Variants in TG observed in about 807,000 individuals in gnomAD.
TG encodes thyroid hormones.
A neutral mutation model predicts 324.7 loss-of-function variants in TG; 270 were observed. That is an observed-to-expected ratio of 0.83 (90% CI 0.75 to 0.92). The LOEUF (loss-of-function observed/expected upper bound fraction) is 0.92, where lower values mean the gene tolerates loss of function less well. Ranked by LOEUF, TG falls within the 40% of genes least tolerant of loss-of-function variation. The probability of loss-of-function intolerance (pLI) is 0.00; values close to 1 mark genes in which losing one functional copy is unlikely to be tolerated. For missense variants in TG, 3,591 were observed against 3,456.4 expected, an observed-to-expected ratio of 1.04 and a Z score of -0.98; for synonymous variants, 1,401 against 1,327.0, an observed-to-expected ratio of 1.06 and a Z score of -1.21.
chr8:133,087,943 A>C (rs763247396), intron 41 of TG: 4 of 151,900 alleles, frequency 2.6e-5, no homozygotes, highest in Non-Finnish European at 5.9e-5. Flanking sequence ...AACTTCTTAG[A>C]CTCTCTTTCT....
At chr8:132,884,566 T>G (rs1815119172) in intron 8 of TG, among the ~76,000 whole-genome samples, 1 of 152,222 alleles carries the variant, frequency 6.6e-6, no homozygotes, top group African/African-American at 2.4e-5. Flanking sequence ...GTGGTTATAT[T>G]CTATCTGCTA....
At position 133,096,274 on chromosome 8, in the gene TG, T is replaced by C; in HGVS notation, c.7473T>C (p.Pro2491=). 1.2e-6 allele frequency: 2 copies of C among 1,614,222 alleles called. No homozygotes were observed. Among genetic ancestry groups the C allele is most frequent in the Non-Finnish European group, 1.7e-6 (2 of 1,180,044 alleles). The part of the protein sequence containing the change: ...PVIDGHFLRE[P]PARALKRSLW... ...TCGATGGCCACTTCCTCCGTGAGCC[T>C]CCAGCCAGAGCACTGAAGAGGTCTT... The change falls in exon 43 of 48, where the codon CCT becomes CCC. Residue 2491 remains proline (P), a synonymous_variant. Coordinates refer to ENST00000220616, the MANE Select transcript of TG (RefSeq NM_003235.5).
intron 20 of TG, among the ~76,000 whole-genome samples, chr8:132,917,557 A>T (rs76534928): frequency 0.017 from 2,622 of 152,162 alleles, 70 homozygotes; most frequent in African/African-American, 0.056. Flanking sequence ...CGTGACAAGA[A>T]GTGGGGCCAG....
chr8:132,877,788 A>T (rs1187275630), intron 5 of TG, among the ~76,000 whole-genome samples: 2 of 152,220 alleles, frequency 1.3e-5, no homozygotes, highest in Non-Finnish European at 2.9e-5. Flanking sequence ...AAAGGCAAAC[A>T]TCCTTTTCCA....
Position 133,134,791 on chromosome 8 carries a change from G to C in TG, c.8304G>C (p.Lys2768Asn), listed in dbSNP as rs747138432. The change falls in exon 48 of 48, where the codon AAG (lysine) becomes AAC (asparagine). Residue 2768 changes from lysine (K) to asparagine (N), a missense_variant. Transcript: ENST00000220616. ...LQEPGSKTYS[K>N] is the part of the protein sequence containing the mutation. ...AACCAGGCTCTAAGACCTACAGCAA[G>C]TGACCAGCCCTTGAGCTCCCCAAAA... The C allele has an allele frequency of 2.5e-6, 4 of 1,613,936 alleles. No individual in the cohort carries two copies. In the South Asian group the frequency reaches 4.4e-5, roughly 18 times the overall value.
intron 29 of TG, chr8:132,964,943 A>G (rs1368997655): frequency 1.4e-6 from 1 of 702,340 alleles, no homozygotes; most frequent in East Asian, 2.7e-5. Context: ...GGTATACCTG[A>G]GAAAAGGTGT....
At chr8:133,086,727 G>A (rs1013392932) in intron 41 of TG, among the ~76,000 whole-genome samples, 12 of 152,106 alleles carry the variant, frequency 7.9e-5, no homozygotes, top group African/African-American at 2.9e-4. Flanking sequence ...GCACCATACT[G>A]TTACAGGAAA....
At chr8:132,949,475 G>A (rs1825803459) in intron 27 of TG, among the ~76,000 whole-genome samples, 1 of 152,190 alleles carries the variant, frequency 6.6e-6, no homozygotes, top group South Asian at 2.1e-4. Context: ...TAGTTGGGGG[G>A]ACTGCCAAGT....
At chr8:133,084,587 A>G (rs762577535) in intron 41 of TG, among the ~76,000 whole-genome samples, 4 of 152,240 alleles carry the variant, frequency 2.6e-5, no homozygotes, top group Admixed American at 6.5e-5. Context: ...GACAGAGGCA[A>G]TTAGGCTTCA....
Position 133,133,550 on chromosome 8 carries a change from G to A in TG, c.8078G>A (p.Gly2693Asp). ...TPWPDFVPRA[G>D]GENYKEFSEL... The stretch of plus-strand genomic sequence containing the variant: ...TGGCCTGACTTTGTACCCCGTGCTG[G>A]TGGAGAGAACTACAAGGAGTTCAGT... The change falls in exon 47 of 48, where the codon GGT becomes GAT. Residue 2693 changes from glycine (G) to aspartate (D), a missense_variant. Gly to Asp is a moderately conservative substitution (Grantham distance 94). Coordinates refer to ENST00000220616, the MANE Select transcript of TG (RefSeq NM_003235.5). 1.2e-6 allele frequency: 2 copies of A among 1,614,224 alleles called. No individual in the cohort carries two copies.
chr8:132,888,245 C>T lies in TG; in HGVS notation c.2438C>T (p.Ala813Val). The T allele has an allele frequency of 5.0e-6, 8 of 1,614,240 alleles. No homozygotes were observed. Among genetic ancestry groups the T allele is most frequent in the Non-Finnish European group, 6.8e-6 (8 of 1,180,046 alleles). The change falls in exon 10 of 48, where the codon GCT (alanine) becomes GTT (valine). Residue 813 changes from alanine (A) to valine (V), a missense_variant. Coordinates refer to ENST00000220616, the MANE Select transcript of TG (RefSeq NM_003235.5). ...LVKIMSYREAASGNFSLFIQS... is the reference protein window; with the variant it reads ...LVKIMSYREAVSGNFSLFIQS... Reference sequence around the variant, plus strand: ...AAGATCATGAGCTACAGAGAAGCAGCTTCCGGAAACTTCAGTCTCTTTATT... The same window carrying T: ...AAGATCATGAGCTACAGAGAAGCAGTTTCCGGAAACTTCAGTCTCTTTATT...
At chr8:132,946,030 A>G (rs1040733260) in intron 26 of TG, among the ~76,000 whole-genome samples, 2 of 108,668 alleles carry the variant, frequency 1.8e-5, no homozygotes, top group African/African-American at 3.8e-5. Context: ...AGATAGGAAA[A>G]ATATGTTACA....
Position 132,948,942 on chromosome 8 carries a change from G to T in TG, c.5400G>T (p.Lys1800Asn). 1 of 1,613,250 alleles carries T rather than the reference G, an allele frequency of 6.2e-7. No homozygotes were observed. Among genetic ancestry groups the T allele is most frequent in the Non-Finnish European group, 8.5e-7 (1 of 1,179,978 alleles). The change falls in exon 27 of 48, where the codon AAG (lysine) becomes AAT (asparagine). Residue 1800 changes from lysine (K) to asparagine (N), a missense_variant and splice_region_variant. Coordinates refer to ENST00000220616, the MANE Select transcript of TG (RefSeq NM_003235.5). ...ILRLGDQEFIKSLTPLEGTQD... is the reference protein window; with the variant it reads ...ILRLGDQEFINSLTPLEGTQD... ...GTCTTGGAGACCAGGAGTTCATCAA[G>T]AGTAAGTCTTTGCCATTTGTCCATA...
At position 132,888,073 on chromosome 8, in the gene TG, T is replaced by TC; in HGVS notation, c.2268dup (p.Asp757ArgfsTer23). 1 of 1,614,086 alleles carries TC rather than the reference T, an allele frequency of 6.2e-7. No individual in the cohort carries two copies. The highest frequency in any genetic ancestry group is 8.5e-7 in the Non-Finnish European group (1 of 1,180,016). On this transcript the variant is annotated frameshift_variant, in exon 10 of 48. Coordinates refer to ENST00000220616, the MANE Select transcript of TG (RefSeq NM_003235.5). LOFTEE classifies it high-confidence loss of function. ...TAACTCCAGCATGCTACCCACCCTTTCCGACACCTACATCCCACAGTGCAG... is the reference window on the plus strand; with the variant it reads ...TAACTCCAGCATGCTACCCACCCTTTCCCGACACCTACATCCCACAGTGCAG...
intron 11 of TG, among the ~76,000 whole-genome samples, chr8:132,896,778 T>G (rs1490371408): frequency 6.6e-6 from 1 of 152,114 alleles, no homozygotes; most frequent in African/African-American, 2.4e-5. Context: ...ACATGCAAAA[T>G]AAACACAAAT....
In TG at chr8:133,133,559, A is replaced by T. The variant is rs764816968; in HGVS notation, c.8087A>T (p.Asn2696Ile). Residue 2696 changes from asparagine (N) to isoleucine (I), a missense_variant, in exon 47 of 48, where the codon AAC (asparagine) becomes ATC (isoleucine). Coordinates refer to ENST00000220616, the MANE Select transcript of TG (RefSeq NM_003235.5). ...PDFVPRAGGE[N>I]YKEFSELLPN... The stretch of plus-strand genomic sequence containing the variant: ...TTTGTACCCCGTGCTGGTGGAGAGA[A>T]CTACAAGGAGTTCAGTGAGCTGCTC... 5 of 1,614,222 alleles carry T rather than the reference A, an allele frequency of 3.1e-6. No homozygotes were observed. The highest frequency in any genetic ancestry group is 3.4e-6 in the Non-Finnish European group (4 of 1,180,024).
Position 132,898,239 on chromosome 8 carries a change from T to C in TG, c.3210T>C (p.Ile1070=). 6.3e-7 allele frequency: 1 copy of C among 1,598,158 alleles called. No individual in the cohort carries two copies. Among genetic ancestry groups the C allele is most frequent in the Non-Finnish European group, 8.5e-7 (1 of 1,172,156 alleles). The change falls in exon 13 of 48, where the codon ATT becomes ATC. Residue 1070 remains isoleucine (I), a synonymous_variant. Coordinates refer to ENST00000220616, the MANE Select transcript of TG (RefSeq NM_003235.5). ...CACTGACTGCCCGCTCTCTGCAGAT[T>C]CCACAGTGTAAGTGAAGACTGCAGA... The part of the protein sequence containing the change: ...PGSLTARSLQ[I]PQCPTTCEKS...
chr8:133,060,409 A>G lies in TG; in HGVS notation c.7239+30386A>G, dbSNP rs2131329530. 4 of 1,503,486 alleles carry G rather than the reference A, an allele frequency of 2.7e-6. No homozygotes were observed. The African/African-American group carries it at 4.3e-5, about 16-fold the overall frequency. 93.1% of individuals were successfully genotyped at this position (1,503,486 alleles called of 1,614,324 possible). ...ATCAAGGGAATGACAGAAAAACCAC[A>G]GAGAGGGAAGTTGCTAGCAAATGCT... On this transcript the variant is annotated intron_variant, in intron 41 of 47. Transcript: ENST00000220616.
intron 16 of TG, 58 bp downstream of exon 16, chr8:132,901,611 A>G (rs1023926786): frequency 1.3e-5 from 20 of 1,562,566 alleles, no homozygotes; most frequent in Non-Finnish European, 1.6e-5. Context: ...TTTGATCCAG[A>G]CTGGGTGAAG....
Sources: gnomAD v4.1 joint callset for allele counts (sites outside exome capture counted in the v4.1 genomes callset) on GRCh38, gnomAD v4.1.1 for gene constraint, MANE v1.5 for transcripts, NCBI Gene and HGNC (gene_info 2026-07-23, HGNC 2026-07-21) for gene names.